The following SPOCK1 variants were observed in gnomAD, a reference collection of about 807,000 sequenced individuals.
SPOCK1 encodes SPARC (osteonectin), cwcv and kazal like domains proteoglycan 1.
In SPOCK1, 23 loss-of-function variants were observed where a neutral mutation model predicts 55.3. The observed-to-expected ratio is 0.42, with a 90% confidence interval of 0.30 to 0.59. The LOEUF (loss-of-function observed/expected upper bound fraction) is 0.59. SPOCK1 is among the 20% of genes least tolerant of loss of function. The pLI is 0.22. For synonymous variants in SPOCK1, 226 were observed against 221.0 expected (o/e 1.02, Z -0.20); for missense variants, 499 against 552.5 (o/e 0.90, Z 0.97).
chr5:137,123,416 C>T (rs933276528), intron 4 of SPOCK1, among the ~76,000 whole-genome samples: 3 of 152,312 alleles, frequency 2.0e-5, no homozygotes, highest in Non-Finnish European at 4.4e-5. Flanking sequence ...CCTCCACACA[C>T]ATTTGCCCCG....
chr5:137,145,100 A>G (rs1388885926), intron 3 of SPOCK1, among the ~76,000 whole-genome samples: 1 of 151,966 alleles, frequency 6.6e-6, no homozygotes, highest in Non-Finnish European at 1.5e-5. Context: ...GAACTATTCA[A>G]GAGTCAACTG....
intron 3 of SPOCK1, among the ~76,000 whole-genome samples, chr5:137,218,679 C>A (rs1755765004): frequency 6.6e-6 from 1 of 152,168 alleles, no homozygotes; most frequent in Non-Finnish European, 1.5e-5. Context: ...AGCCACTGGT[C>A]TCATTCCTGA....
chr5:137,272,669 T>C (rs1319168383), intron 2 of SPOCK1, among the ~76,000 whole-genome samples: 2 of 151,930 alleles, frequency 1.3e-5, no homozygotes, highest in Admixed American at 1.3e-4. Context: ...GTGAGAACCC[T>C]GTACAACAGA....
intron 3 of SPOCK1, among the ~76,000 whole-genome samples, chr5:137,206,794 G>A (rs1055450188): frequency 3.3e-5 from 5 of 152,174 alleles, no homozygotes; most frequent in Non-Finnish European, 5.9e-5. Flanking sequence ...CATCTTATGC[G>A]ATGTATTTGG....
At chr5:137,347,914 C>G (rs768068056) in intron 2 of SPOCK1, among the ~76,000 whole-genome samples, 2 of 152,140 alleles carry the variant, frequency 1.3e-5, no homozygotes, top group African/African-American at 4.8e-5. Context: ...TATGTATGTC[C>G]TCTTGTATAG....
intron 3 of SPOCK1, among the ~76,000 whole-genome samples, chr5:137,157,464 T>A (rs554887925): frequency 6.6e-6 from 1 of 152,348 alleles, no homozygotes; most frequent in African/African-American, 2.4e-5. Flanking sequence ...ACCCTGCTTT[T>A]TTCTTTCAGT....
chr5:137,263,695 C>G (rs997040686), intron 3 of SPOCK1, among the ~76,000 whole-genome samples: 1 of 152,150 alleles, frequency 6.6e-6, no homozygotes, highest in Non-Finnish European at 1.5e-5. Context: ...TCCTGTCCAT[C>G]CTTTCTGTGA....
At chr5:137,224,525 T>C (rs1755912909) in intron 3 of SPOCK1, among the ~76,000 whole-genome samples, 1 of 152,160 alleles carries the variant, frequency 6.6e-6, no homozygotes, top group Non-Finnish European at 1.5e-5. Context: ...TCATACCTAA[T>C]TCCCAAAGTA....
At chr5:137,053,980 GA>G (rs1299290693) in intron 6 of SPOCK1, among the ~76,000 whole-genome samples, 2 of 152,020 alleles carry the variant, frequency 1.3e-5, no homozygotes, top group African/African-American at 4.8e-5. Flanking sequence ...ATGTCTACAA[GA>G]CTAATTCTAG....
intron 3 of SPOCK1, among the ~76,000 whole-genome samples, chr5:137,198,853 A>G (rs1320786188): frequency 6.6e-6 from 1 of 152,218 alleles, no homozygotes; most frequent in Non-Finnish European, 1.5e-5. Context: ...TTTTATACAT[A>G]ACTCTTCTGA....
chr5:137,161,336 A>T (rs1394175610), intron 3 of SPOCK1, among the ~76,000 whole-genome samples: 1 of 151,822 alleles, frequency 6.6e-6, no homozygotes, highest in Non-Finnish European at 1.5e-5. Context: ...GGAACATGTC[A>T]GTTGAAATGC....
chr5:136,997,146 A>G (rs376614250), intron 6 of SPOCK1, among the ~76,000 whole-genome samples: 10 of 152,156 alleles, frequency 6.6e-5, no homozygotes, highest in South Asian at 6.2e-4. Context: ...ATCTGCTCCA[A>G]TGGGCTGGTG....
intron 6 of SPOCK1, among the ~76,000 whole-genome samples, chr5:137,023,366 C>A (rs922796125): frequency 6.6e-6 from 1 of 152,072 alleles, no homozygotes; most frequent in Non-Finnish European, 1.5e-5. Flanking sequence ...CCAACCAGCT[C>A]CCCAGTAGAG....
At chr5:136,982,940 C>T (rs1433676160) in intron 9 of SPOCK1, among the ~76,000 whole-genome samples, 1 of 152,136 alleles carries the variant, frequency 6.6e-6, no homozygotes, top group Non-Finnish European at 1.5e-5. Flanking sequence ...ATTATTTCCC[C>T]TTGGCACTTT....
intron 2 of SPOCK1, among the ~76,000 whole-genome samples, chr5:137,476,548 G>GA (rs1753841259): frequency 6.6e-6 from 1 of 152,224 alleles, no homozygotes; most frequent in Non-Finnish European, 1.5e-5. Flanking sequence ...GGGTGTCAGT[G>GA]ATGTCCTTGG....
chr5:137,399,894 T>C (rs1385818438), intron 2 of SPOCK1, among the ~76,000 whole-genome samples: 2 of 152,164 alleles, frequency 1.3e-5, no homozygotes, highest in Non-Finnish European at 2.9e-5. Flanking sequence ...CAGGGAAAAG[T>C]GGGAGACATT....
chr5:137,413,393 C>T (rs1752250868), intron 2 of SPOCK1, among the ~76,000 whole-genome samples: 1 of 152,060 alleles, frequency 6.6e-6, no homozygotes, highest in Non-Finnish European at 1.5e-5. Context: ...GTGATTTTAC[C>T]AACTTCTCTT....
chr5:137,356,493 T>C (rs1338714858), intron 2 of SPOCK1, among the ~76,000 whole-genome samples: 1 of 150,984 alleles, frequency 6.6e-6, no homozygotes, highest in African/African-American at 2.5e-5. Flanking sequence ...GGATACCATT[T>C]ACCTCCATTT....
chr5:137,286,960 T>C (rs760467277), intron 2 of SPOCK1, among the ~76,000 whole-genome samples: 2 of 152,210 alleles, frequency 1.3e-5, no homozygotes, highest in Admixed American at 6.5e-5. Flanking sequence ...CAAGAGCTTA[T>C]TAAAAGGCAA....
Sources: gnomAD v4.1 joint callset for allele counts (sites outside exome capture counted in the v4.1 genomes callset) on GRCh38, gnomAD v4.1.1 for gene constraint, MANE v1.5 for transcripts, NCBI Gene and HGNC (gene_info 2026-07-23, HGNC 2026-07-21) for gene names.